The following KLF13 variants were observed in gnomAD, a reference collection of about 807,000 sequenced individuals.
KLF13 encodes Krueppel-like factor 13.
Under a neutral mutation model 16.7 loss-of-function variants are expected in KLF13, and 8 were observed. The observed-to-expected ratio is 0.48, with a 90% confidence interval of 0.28 to 0.87. The LOEUF (loss-of-function observed/expected upper bound fraction) is 0.87. Ranked by LOEUF, KLF13 falls within the 40% of genes least tolerant of loss-of-function variation. KLF13 has a pLI of 0.10. For missense variants in KLF13, 447 were observed against 452.2 expected, an observed-to-expected ratio of 0.99 and a Z score of 0.10; for synonymous variants, 245 against 208.4, an observed-to-expected ratio of 1.18 and a Z score of -1.51.
At chr15:31,336,725 C>T (rs559921914) in intron 1 of KLF13, among the ~76,000 whole-genome samples, 1 of 152,204 alleles carries the variant, frequency 6.6e-6, no homozygotes, top group Admixed American at 6.5e-5. Context: ...GAACCTGACT[C>T]CTTTGTTGAC....
intron 1 of KLF13, among the ~76,000 whole-genome samples, chr15:31,412,986 CG>C: frequency 6.6e-6 from 1 of 152,246 alleles, no homozygotes; most frequent in Middle Eastern, 3.4e-3. Flanking sequence ...ACCTCAGAAA[CG>C]GTTCCTTCAA....
chr15:31,356,517 A>G (rs573800229), intron 1 of KLF13, among the ~76,000 whole-genome samples: 1 of 152,332 alleles, frequency 6.6e-6, no homozygotes, highest in African/African-American at 2.4e-5. Flanking sequence ...GCGCCACTGC[A>G]CTCCAGCCTG....
At chr15:31,337,658 A>G (rs77244206) in intron 1 of KLF13, among the ~76,000 whole-genome samples, 5,454 of 152,304 alleles carry the variant, frequency 0.036, 205 homozygotes, top group African/African-American at 0.096. Flanking sequence ...ACAGTATAGT[A>G]CTGTCCTGAA....
rs994028568 is a variant in KLF13, at chr15:31,376,973, G to C, written c.*4674G>C. On this transcript the variant is annotated 3_prime_UTR_variant, in exon 2 of 2. Transcript: ENST00000307145. ...AGTCACACATTCCGGGGAGGGGGGT[G>C]GGGGGTGGAGGCAGGAAGTCATGGG... is the stretch of plus-strand genomic sequence containing the variant. The C allele has an allele frequency of 2.2e-4, 33 of 149,256 alleles. No individual in the cohort carries two copies. The highest frequency in any genetic ancestry group is 6.6e-4 in the African/African-American group (27 of 40,752). The allele number at this position is 149,256 out of a possible 1,614,324, so 9.2% of individuals were successfully genotyped here. A position where few individuals can be genotyped will look rare whatever the true frequency, so the allele number is the denominator to read the frequency against.
At chr15:31,334,752 A>G (rs1033052568) in intron 1 of KLF13, among the ~76,000 whole-genome samples, 1 of 151,964 alleles carries the variant, frequency 6.6e-6, no homozygotes, top group Non-Finnish European at 1.5e-5. Flanking sequence ...AAAGCCCCAA[A>G]TGGGATTATT....
chr15:31,357,792 G>A (rs746423668), intron 1 of KLF13, among the ~76,000 whole-genome samples: 2 of 152,096 alleles, frequency 1.3e-5, no homozygotes, highest in Non-Finnish European at 2.9e-5. Flanking sequence ...TGATGTTCAG[G>A]TGCCCCCCAC....
At chr15:31,432,475 G>T (rs551371197) in intron 1 of KLF13, among the ~76,000 whole-genome samples, 2 of 130,222 alleles carry the variant, frequency 1.5e-5, no homozygotes, top group East Asian at 2.4e-4. Flanking sequence ...TTAAAATAAG[G>T]TCTTACTCCG....
intron 1 of KLF13, among the ~76,000 whole-genome samples, chr15:31,346,589 C>T (rs886822101): frequency 2.0e-5 from 3 of 152,250 alleles, no homozygotes; most frequent in Non-Finnish European, 4.4e-5. Context: ...CCAGCTTTCT[C>T]AGGACATGAG....
intron 1 of KLF13, among the ~76,000 whole-genome samples, chr15:31,335,464 TGTGTGTGTGTGTATG>T (rs2038914052): frequency 1.3e-5 from 1 of 79,964 alleles, no homozygotes; most frequent in Non-Finnish European, 2.6e-5. Context: ...TGTGTGTGTG[TGTGTGTGTGTGTATG>T]GTGGCGGGGC....
rs546486782 is a variant in KLF13, at chr15:31,337,073, G to A, written c.577+9284G>A. Among the ~76,000 whole-genome samples the A allele has an allele frequency of 2.0e-5, 3 of 152,278 alleles. No homozygotes were observed. In the East Asian group the frequency reaches 5.8e-4, roughly 29 times the overall value. Reference sequence around the variant, plus strand: ...TGCTCTCCAGACTTACTGCCCCGTTGTCCTCACCTGCATGACTGTCCATGT... The same window carrying A: ...TGCTCTCCAGACTTACTGCCCCGTTATCCTCACCTGCATGACTGTCCATGT... On this transcript the variant is annotated intron_variant, in intron 1 of 1. Coordinates refer to ENST00000307145, the MANE Select transcript of KLF13 (RefSeq NM_015995.4).
intron 1 of KLF13, among the ~76,000 whole-genome samples, chr15:31,384,782 G>C (rs918196217): frequency 5.3e-5 from 8 of 152,172 alleles, no homozygotes; most frequent in African/African-American, 1.9e-4. Context: ...AGCTGAGTGT[G>C]TCATCCCAAA....
At chr15:31,408,478 T>C (rs1046239298), downstream of KLF13, among the ~76,000 whole-genome samples, 16 of 152,176 alleles carry the variant, frequency 1.1e-4, no homozygotes, top group African/African-American at 3.9e-4. Flanking sequence ...ATAGCCCCCA[T>C]TCTAAACACA....
At position 31,376,770 on chromosome 15, in the gene KLF13, T is replaced by G. The variant is rs2039653407; in HGVS notation, c.*4471T>G. On this transcript the variant is annotated 3_prime_UTR_variant, in exon 2 of 2. Coordinates refer to ENST00000307145, the MANE Select transcript of KLF13 (RefSeq NM_015995.4). ...AATTCAGCAGGAGACGGGAGCCCGGTGTCCATGAGGGAAGAGGGGTCGCGC... is the reference window on the plus strand; with the variant it reads ...AATTCAGCAGGAGACGGGAGCCCGGGGTCCATGAGGGAAGAGGGGTCGCGC... 1 of 152,662 alleles carries G rather than the reference T, an allele frequency of 6.6e-6. No homozygotes were observed. The highest frequency in any genetic ancestry group is 2.4e-5 in the African/African-American group (1 of 41,472). The allele number at this position is 152,662 out of a possible 1,614,324, so 9.5% of individuals were successfully genotyped here. A position where few individuals can be genotyped will look rare whatever the true frequency, so the allele number is the denominator to read the frequency against.
At chr15:31,353,676 C>T (rs961419280) in intron 1 of KLF13, among the ~76,000 whole-genome samples, 11 of 152,246 alleles carry the variant, frequency 7.2e-5, no homozygotes, top group African/African-American at 2.7e-4. Context: ...AAGGGAGACA[C>T]AGACCAAGAA....
At chr15:31,417,988 A>T (rs746628406) in intron 1 of KLF13, among the ~76,000 whole-genome samples, 2 of 152,190 alleles carry the variant, frequency 1.3e-5, no homozygotes, top group African/African-American at 4.8e-5. Context: ...TTCAACACAC[A>T]AGGATACAGG....
chr15:31,385,952 G>A lies in KLF13; in HGVS notation n.224-49418G>A, dbSNP rs934590673. Among the ~76,000 whole-genome samples, 6 of 152,330 alleles carry A rather than the reference G, an allele frequency of 3.9e-5. No individual in the cohort carries two copies. The East Asian group carries it at 9.6e-4, about 24-fold the overall frequency. On this transcript the variant is annotated intron_variant and non_coding_transcript_variant, in intron 1 of 1. Coordinates refer to the KLF13 transcript ENST00000558921. ...TTGTGAATGCAAAGGAAATGTTCTC[G>A]AAGGAACTTAAAAGTGTTAACTCCA...
At chr15:31,344,573 G>A (rs1240517848) in intron 1 of KLF13, among the ~76,000 whole-genome samples, 1 of 152,264 alleles carries the variant, frequency 6.6e-6, no homozygotes, top group East Asian at 1.9e-4. Flanking sequence ...AGACTGGGCT[G>A]GGCCAGGCCA....
At chr15:31,330,115 AGAG>A (rs1298771392) in intron 1 of KLF13, among the ~76,000 whole-genome samples, 1 of 152,180 alleles carries the variant, frequency 6.6e-6, no homozygotes. Context: ...TCAAGGGAGA[AGAG>A]GAGCTTGCTG....
chr15:31,367,311 G>A (rs928046213), intron 1 of KLF13, among the ~76,000 whole-genome samples: 3 of 152,238 alleles, frequency 2.0e-5, no homozygotes, highest in African/African-American at 4.8e-5. Flanking sequence ...GAGGAGCAGA[G>A]AATGGAGCCG....
Sources: gnomAD v4.1 joint callset for allele counts (sites outside exome capture counted in the v4.1 genomes callset) on GRCh38, gnomAD v4.1.1 for gene constraint, MANE v1.5 for transcripts, NCBI Gene and HGNC (gene_info 2026-07-23, HGNC 2026-07-21) for gene names.